Variants in CNTN5 observed in about 807,000 individuals in gnomAD.
CNTN5 encodes the protein contactin-5.
Under a neutral mutation model 129.1 loss-of-function variants are expected in CNTN5, and 77 were observed. The observed-to-expected ratio is 0.60, with a 90% CI of 0.50 to 0.72. The LOEUF (loss-of-function observed/expected upper bound fraction) is 0.72, where lower values mean the gene tolerates loss of function less well. Among genes scored for constraint, CNTN5 ranks in the 30% least tolerant of loss-of-function variants. The probability of loss-of-function intolerance (pLI) is 0.00; values close to 1 mark genes in which losing one functional copy is unlikely to be tolerated. For missense variants in CNTN5, 1,478 were observed against 1,328.8 expected, an observed-to-expected ratio of 1.11 and a Z score of -1.75; for synonymous variants, 509 against 465.6, an observed-to-expected ratio of 1.09 and a Z score of -1.20.
intron 13 of CNTN5, among the ~76,000 whole-genome samples, chr11:100,178,666 T>C (rs1948041159): frequency 6.6e-6 from 1 of 152,342 alleles, no homozygotes; most frequent in African/African-American, 2.4e-5. Flanking sequence ...TTGTGTTTCC[T>C]TGCTGTTCTG....
intron 3 of CNTN5, among the ~76,000 whole-genome samples, chr11:99,627,432 C>A (rs965511666): frequency 1.4e-5 from 2 of 147,548 alleles, no homozygotes; most frequent in African/African-American, 5.0e-5. Context: ...ATTAATGTTA[C>A]GAAATGGAAA....
intron 2 of CNTN5, among the ~76,000 whole-genome samples, chr11:99,408,180 G>A (rs2134989834): frequency 6.6e-6 from 1 of 151,846 alleles, no homozygotes; most frequent in Non-Finnish European, 1.5e-5. Flanking sequence ...TAATTTCACT[G>A]GCGTTTTTGC....
Position 100,356,335 on chromosome 11 carries a change from G to A in CNTN5, c.*115G>A, listed in dbSNP as rs1952524561. On this transcript the variant is annotated 3_prime_UTR_variant, in exon 25 of 25. Transcript: ENST00000524871. ...ATGAGCTTGAGCTTTAAAAACTTGG[G>A]ACTATACATGGTGAACTTACAGGAG... 1 of 733,188 alleles carries A rather than the reference G, an allele frequency of 1.4e-6. No homozygotes were observed. The highest frequency in any genetic ancestry group is 2.4e-6 in the Non-Finnish European group (1 of 418,544). The allele number at this position is 733,188 out of a possible 1,614,324, so 45.4% of individuals were successfully genotyped here. A position where few individuals can be genotyped will look rare whatever the true frequency, so the allele number is the denominator to read the frequency against.
intron 7 of CNTN5, among the ~76,000 whole-genome samples, chr11:99,949,169 T>C (rs11600726): frequency 0.033 from 4,970 of 152,252 alleles, 124 homozygotes; most frequent in Middle Eastern, 0.1. Context: ...AAATCATATC[T>C]GAGAGTCCTC....
At chr11:100,301,660 T>A (rs969343570) in intron 20 of CNTN5, among the ~76,000 whole-genome samples, 5 of 151,586 alleles carry the variant, frequency 3.3e-5, no homozygotes, top group Admixed American at 3.3e-4. Flanking sequence ...AGTGTTAGCA[T>A]CATTAGAGTG....
At chr11:99,751,005 A>G in intron 3 of CNTN5, among the ~76,000 whole-genome samples, 1 of 152,208 alleles carries the variant, frequency 6.6e-6, no homozygotes, top group East Asian at 1.9e-4. Context: ...TGTTAACCTC[A>G]TCTCCTTCAG....
intron 8 of CNTN5, among the ~76,000 whole-genome samples, chr11:99,957,858 C>CGTGT (rs754110469): frequency 2.7e-5 from 4 of 148,578 alleles, no homozygotes; most frequent in Admixed American, 6.7e-5. Flanking sequence ...TTGTTGTTTG[C>CGTGT]GTGTGTGTGT....
chr11:99,878,995 C>G (rs1434015967), intron 6 of CNTN5, among the ~76,000 whole-genome samples: 2 of 151,988 alleles, frequency 1.3e-5, no homozygotes, highest in South Asian at 4.1e-4. Context: ...TACAGTGGTA[C>G]GATCTGATCT....
At chr11:99,533,613 C>G (rs985382132) in intron 2 of CNTN5, among the ~76,000 whole-genome samples, 1 of 152,220 alleles carries the variant, frequency 6.6e-6, no homozygotes, top group African/African-American at 2.4e-5. Context: ...CTCTTCCACC[C>G]ATACACTTAC....
intron 6 of CNTN5, among the ~76,000 whole-genome samples, chr11:99,886,232 T>C (rs1948898621): frequency 6.6e-6 from 1 of 152,160 alleles, no homozygotes; most frequent in South Asian, 2.1e-4. Context: ...TAACTCTTAT[T>C]TAAAATTCAG....
chr11:99,683,302 C>G (rs570891004), intron 3 of CNTN5, among the ~76,000 whole-genome samples: 16 of 151,948 alleles, frequency 1.1e-4, no homozygotes, highest in Admixed American at 9.2e-4. Flanking sequence ...CTAGTCTCCA[C>G]CTCATATCAT....
At chr11:99,791,406 T>C (rs978450853) in intron 3 of CNTN5, among the ~76,000 whole-genome samples, 7 of 152,128 alleles carry the variant, frequency 4.6e-5, no homozygotes, top group African/African-American at 1.7e-4. Flanking sequence ...AGGGAGACTT[T>C]CCCCGTCACT....
At chr11:100,129,084 T>C (rs963811059) in intron 13 of CNTN5, among the ~76,000 whole-genome samples, 4 of 152,168 alleles carry the variant, frequency 2.6e-5, no homozygotes, top group African/African-American at 9.7e-5. Context: ...TGTTGTGATA[T>C]CCAAATAACT....
At chr11:100,263,966 C>T (rs920483759) in intron 17 of CNTN5, among the ~76,000 whole-genome samples, 1 of 152,160 alleles carries the variant, frequency 6.6e-6, no homozygotes, top group Non-Finnish European at 1.5e-5. Context: ...TACCTATCTT[C>T]TACCTGCTAC....
intron 1 of CNTN5, among the ~76,000 whole-genome samples, chr11:99,241,617 C>A (rs1373021278): frequency 6.6e-6 from 1 of 151,908 alleles, no homozygotes; most frequent in African/African-American, 2.4e-5. Context: ...TAAACATTGG[C>A]TGTCCGTTTT....
intron 1 of CNTN5, among the ~76,000 whole-genome samples, chr11:99,217,750 T>C (rs1377323451): frequency 6.6e-6 from 1 of 152,006 alleles, no homozygotes; most frequent in Admixed American, 6.6e-5. Flanking sequence ...ACCAACCCAC[T>C]CATCTAGTAG....
At chr11:100,133,887 T>C (rs1345967327) in intron 13 of CNTN5, among the ~76,000 whole-genome samples, 1 of 152,110 alleles carries the variant, frequency 6.6e-6, no homozygotes, top group Non-Finnish European at 1.5e-5. Flanking sequence ...TCCCTCAAAT[T>C]CAATTTATAA....
chr11:99,599,959 A>T (rs939595906), intron 3 of CNTN5, among the ~76,000 whole-genome samples: 1 of 152,180 alleles, frequency 6.6e-6, no homozygotes, highest in South Asian at 2.1e-4. Flanking sequence ...TTTAAAAGTA[A>T]AGAGAAAAAA....
At chr11:100,261,122 C>A (rs1184117341) in intron 17 of CNTN5, among the ~76,000 whole-genome samples, 19 of 152,060 alleles carry the variant, frequency 1.2e-4, no homozygotes, top group Admixed American at 1.2e-3. Context: ...AATCAATGGG[C>A]AAAAATTACA....
Sources: allele counts gnomAD v4.1 joint callset (sites outside exome capture counted in the v4.1 genomes callset), GRCh38; gene constraint gnomAD v4.1.1; transcripts MANE v1.5; gene names NCBI Gene and HGNC (gene_info 2026-07-23, HGNC 2026-07-21).